Variants in ANGPT2 observed in about 807,000 individuals in gnomAD.
ANGPT2 encodes the protein angiopoietin 2.
ANGPT2 carries 28 observed loss-of-function variants against 62.9 expected under a neutral mutation model. The observed-to-expected ratio is 0.44, with a 90% CI of 0.33 to 0.61. ANGPT2 has a LOEUF of 0.61. ANGPT2 is among the 20% of genes least tolerant of loss of function. ANGPT2 has a pLI of 0.03. For synonymous variants in ANGPT2, 284 were observed against 207.8 expected, an observed-to-expected ratio of 1.37 and a Z score of -3.15; for missense variants, 727 against 594.9, an observed-to-expected ratio of 1.22 and a Z score of -2.31.
rs910134362 is a variant in ANGPT2, at chr8:6,513,897, A to G, written c.1030-53T>C. The G allele has an allele frequency of 8.0e-6, 12 of 1,504,386 alleles. No individual in the cohort carries two copies. The East Asian group carries it at 2.1e-4, about 26-fold the overall frequency. The allele number at this position is 1,504,386 out of a possible 1,614,324, so 93.2% of individuals were successfully genotyped here. A position where few individuals can be genotyped will look rare whatever the true frequency, so the allele number is the denominator to read the frequency against. On this transcript the variant is annotated intron_variant, in intron 6 of 8. Transcript: ENST00000629816. ...ATTTCATGTAATTTTTTCTTTGTATATTTGAAGTGGATAGTCCGTCAACTT... is the reference window on the plus strand; with the variant it reads ...ATTTCATGTAATTTTTTCTTTGTATGTTTGAAGTGGATAGTCCGTCAACTT...
At chr8:6,539,181 C>T (rs112792591) in intron 1 of ANGPT2, among the ~76,000 whole-genome samples, 23 of 152,314 alleles carry the variant, frequency 1.5e-4, no homozygotes, top group African/African-American at 5.5e-4. Context: ...AACCCCTCGC[C>T]AGAGCCTGGG....
chr8:6,503,202 G>C lies in ANGPT2; in HGVS notation c.1387C>G (p.Gln463Glu), dbSNP rs771314018. The C allele has an allele frequency of 3.1e-6, 5 of 1,614,130 alleles. No homozygotes were observed. In the South Asian group the frequency reaches 4.4e-5, roughly 14 times the overall value. The change falls in exon 9 of 9, where the codon CAG (glutamine) becomes GAG (glutamate). Residue 463 changes from glutamine (Q) to glutamate (E), a missense_variant. Coordinates refer to ENST00000629816, the MANE Select transcript of ANGPT2 (RefSeq NM_001118887.2). Reference sequence around the variant, plus strand: ...ATGCCGTTGAACTTATTTGTGTTCTGCCTCTGTGGATAGTACATTCCGTTC... The same window carrying C: ...ATGCCGTTGAACTTATTTGTGTTCTCCCTCTGTGGATAGTACATTCCGTTC... Reference protein sequence around the residue: ...NLNGMYYPQRQNTNKFNGIKW... With the variant: ...NLNGMYYPQRENTNKFNGIKW...
chr8:6,511,822 T>A (rs1815171137), intron 7 of ANGPT2, among the ~76,000 whole-genome samples: 1 of 152,202 alleles, frequency 6.6e-6, no homozygotes, highest in Non-Finnish European at 1.5e-5. Context: ...ATTTTTATAA[T>A]GTCAGCGTAC....
chr8:6,503,816 G>A (rs935653708), intron 8 of ANGPT2, among the ~76,000 whole-genome samples: 3 of 152,158 alleles, frequency 2.0e-5, no homozygotes, highest in Admixed American at 6.5e-5. Context: ...CTAAAGCCAG[G>A]GCAGGAGAGG....
intron 1 of ANGPT2, among the ~76,000 whole-genome samples, chr8:6,548,209 C>G (rs991571067): frequency 6.6e-6 from 1 of 152,052 alleles, no homozygotes; most frequent in African/African-American, 2.4e-5. Context: ...CTTTAGAAGG[C>G]CAAAGTTAGA....
At chr8:6,517,456 C>G (rs1466219819) in intron 5 of ANGPT2, among the ~76,000 whole-genome samples, 1 of 152,220 alleles carries the variant, frequency 6.6e-6, no homozygotes, top group Non-Finnish European at 1.5e-5. Context: ...CAGTCTCTCT[C>G]TCGTAGAAGA....
intron 8 of ANGPT2, among the ~76,000 whole-genome samples, chr8:6,504,024 T>C (rs564520573): frequency 6.6e-6 from 1 of 152,162 alleles, no homozygotes; most frequent in Admixed American, 6.5e-5. Context: ...TCTAGAAATA[T>C]TCTATAAGCA....
At chr8:6,522,938 A>G (rs1291537217) in intron 3 of ANGPT2, among the ~76,000 whole-genome samples, 1 of 151,972 alleles carries the variant, frequency 6.6e-6, no homozygotes, top group Admixed American at 6.6e-5. Flanking sequence ...AAATCTAACC[A>G]GCGCTATGGC....
intron 1 of ANGPT2, among the ~76,000 whole-genome samples, chr8:6,558,485 A>G (rs559292997): frequency 8.5e-5 from 13 of 152,338 alleles, no homozygotes; most frequent in African/African-American, 3.1e-4. Context: ...GACCATCCTG[A>G]GCATCTGATC....
intron 1 of ANGPT2, among the ~76,000 whole-genome samples, chr8:6,543,238 C>T (rs769709576): frequency 3.9e-5 from 6 of 152,180 alleles, no homozygotes; most frequent in Admixed American, 2.0e-4. Context: ...TTAATTTACA[C>T]GAAGACTCAG....
At chr8:6,505,274 A>G (rs1407428080) in intron 8 of ANGPT2, among the ~76,000 whole-genome samples, 11 of 21,590 alleles carry the variant, frequency 5.1e-4, no homozygotes, top group Non-Finnish European at 8.5e-4. Flanking sequence ...ATATATATGT[A>G]TACATATATA....
intron 1 of ANGPT2, among the ~76,000 whole-genome samples, chr8:6,549,382 C>CA (rs1417816591): frequency 1.3e-5 from 2 of 152,212 alleles, no homozygotes; most frequent in African/African-American, 4.8e-5. Context: ...ACATGACATT[C>CA]AAAACCTAGC....
chr8:6,532,427 C>G lies in ANGPT2; in HGVS notation c.349G>C (p.Val117Leu). ...KEMVEIQQNAVQNQTAVMIEI... is the reference protein window; with the variant it reads ...KEMVEIQQNALQNQTAVMIEI... ...ATCATCACAGCCGTCTGGTTCTGTA[C>G]TGCATTCTGCTGTATCTCTACCATT... Residue 117 changes from valine to leucine, a missense_variant, in exon 2 of 9, where the codon GTA becomes CTA. Coordinates refer to ENST00000629816, the MANE Select transcript of ANGPT2 (RefSeq NM_001118887.2). 3.7e-6 allele frequency: 6 copies of G among 1,614,130 alleles called. No homozygotes were observed. The highest frequency in any genetic ancestry group is 5.1e-6 in the Non-Finnish European group (6 of 1,180,004).
chr8:6,503,819 A>G (rs1812683814), intron 8 of ANGPT2, among the ~76,000 whole-genome samples: 2 of 152,220 alleles, frequency 1.3e-5, no homozygotes, highest in African/African-American at 4.8e-5. Context: ...AAGCCAGGGC[A>G]GGAGAGGTGT....
chr8:6,528,300 A>G (rs767759897), intron 2 of ANGPT2, among the ~76,000 whole-genome samples: 13 of 152,338 alleles, frequency 8.5e-5, no homozygotes, highest in Non-Finnish European at 1.3e-4. Context: ...ATTTCATACA[A>G]TGAGACAAGT....
chr8:6,530,334 C>G (rs1037220961), intron 2 of ANGPT2, among the ~76,000 whole-genome samples: 1 of 151,826 alleles, frequency 6.6e-6, no homozygotes, highest in Non-Finnish European at 1.5e-5. Flanking sequence ...GTGGTGAAAC[C>G]CTGTCTCTAC....
Position 6,499,888 on chromosome 8 carries a change from G to T in ANGPT2, c.*3213C>A. 4 of 1,613,562 alleles carry T rather than the reference G, an allele frequency of 2.5e-6. No individual in the cohort carries two copies. The highest frequency in any genetic ancestry group is 3.4e-6 in the Non-Finnish European group (4 of 1,179,998). ...TTTAGAATTGGGTCACTGGATTTCT[G>T]AGGAGCCGTTCGAACTGTCTCACCA... On this transcript the variant is annotated 3_prime_UTR_variant, in exon 9 of 9. Coordinates refer to ENST00000629816, the MANE Select transcript of ANGPT2 (RefSeq NM_001118887.2).
chr8:6,523,019 A>G lies in ANGPT2; in HGVS notation c.567-1609T>C, dbSNP rs530936773. The stretch of plus-strand genomic sequence containing the variant: ...AAGTTTTTTTTTTTCTTTTTTTGAG[A>G]TGGAGTCTCGCTCTGTCACCCAGAC... On this transcript the variant is annotated intron_variant, in intron 3 of 8. Transcript: ENST00000629816. Among the ~76,000 whole-genome samples, 4 of 150,836 alleles carry G rather than the reference A, an allele frequency of 2.7e-5. No individual in the cohort carries two copies. In the East Asian group the frequency reaches 5.9e-4, roughly 22 times the overall value.
chr8:6,563,205 C>A lies in ANGPT2; in HGVS notation c.-271G>T. The A allele has an allele frequency of 3.4e-6, 1 of 297,244 alleles. No homozygotes were observed. The highest frequency in any genetic ancestry group is 6.5e-6 in the Non-Finnish European group (1 of 154,518). 18.4% of individuals were successfully genotyped at this position (297,244 alleles called of 1,614,324 possible). On this transcript the variant is annotated 5_prime_UTR_variant, in exon 1 of 9. Coordinates refer to ENST00000629816, the MANE Select transcript of ANGPT2 (RefSeq NM_001118887.2). ...GTCAGCTTTTACAGAGCAGCTTTCA[C>A]GGTCCTTTGTTCCTCTCTCCCCAGA...
Sources: allele counts gnomAD v4.1 joint callset (sites outside exome capture counted in the v4.1 genomes callset), GRCh38; gene constraint gnomAD v4.1.1; transcripts MANE v1.5; gene names NCBI Gene and HGNC (gene_info 2026-07-23, HGNC 2026-07-21).